Variants in PTPRG observed in about 807,000 individuals in gnomAD.
PTPRG encodes protein tyrosine phosphatase receptor type G.
PTPRG carries 102 observed loss-of-function variants against 165.3 expected under a neutral mutation model. That is an observed-to-expected ratio of 0.62 (90% CI 0.53 to 0.73). PTPRG has a LOEUF of 0.73. PTPRG is among the 30% of genes least tolerant of loss of function. The pLI, the probability that PTPRG is intolerant of heterozygous loss-of-function variation, is 0.00. For synonymous variants in PTPRG, 675 were observed against 669.5 expected, an observed-to-expected ratio of 1.01 and a Z score of -0.13; for missense variants, 1,866 against 1,861.4, an observed-to-expected ratio of 1.00 and a Z score of -0.05.
intron 2 of PTPRG, among the ~76,000 whole-genome samples, chr3:61,795,442 C>G (rs1300437693): frequency 6.6e-6 from 1 of 151,706 alleles, no homozygotes; most frequent in East Asian, 1.9e-4. Context: ...CAGTTCAAGA[C>G]CAGCCTGACA....
At chr3:62,049,284 T>G (rs184424312) in intron 4 of PTPRG, among the ~76,000 whole-genome samples, 84 of 152,310 alleles carry the variant, frequency 5.5e-4, no homozygotes, top group Non-Finnish European at 7.6e-4. Flanking sequence ...CATGCCACTT[T>G]TCACTGGTAA....
intron 2 of PTPRG, among the ~76,000 whole-genome samples, chr3:61,908,529 C>T (rs1318177814): frequency 6.0e-5 from 9 of 151,150 alleles, no homozygotes; most frequent in Admixed American, 5.3e-4. Flanking sequence ...ATTTGGAGGA[C>T]GTGGTTAGAG....
intron 4 of PTPRG, among the ~76,000 whole-genome samples, chr3:62,016,080 G>A (rs994993848): frequency 6.6e-6 from 1 of 152,110 alleles, no homozygotes; most frequent in African/African-American, 2.4e-5. Context: ...ATTATTAATA[G>A]TATAAACCCC....
At chr3:62,141,914 A>T (rs997709239) in intron 6 of PTPRG, among the ~76,000 whole-genome samples, 2 of 151,818 alleles carry the variant, frequency 1.3e-5, no homozygotes, top group Non-Finnish European at 2.9e-5. Flanking sequence ...AAAAGAAGAC[A>T]TGTGGGCAAG....
At position 62,240,435 on chromosome 3, in the gene PTPRG, T is replaced by C. The variant is rs1701133737; in HGVS notation, c.2376-3372T>C. Among the ~76,000 whole-genome samples the C allele has an allele frequency of 1.3e-5, 2 of 152,210 alleles. No homozygotes were observed. On this transcript the variant is annotated intron_variant, in intron 14 of 29. Transcript: ENST00000474889. The surrounding 1 kb of genome is among the most constrained non-coding windows in gnomAD (Gnocchi z 5.1). ...TGAGACTATAATAATAGCCCACAGA[T>C]TGATCTCCTTGTTCCATTTCTGCTG...
At chr3:62,089,180 G>A (rs181361303) in intron 5 of PTPRG, among the ~76,000 whole-genome samples, 269 of 152,260 alleles carry the variant, frequency 1.8e-3, no homozygotes, top group South Asian at 9.1e-3. Flanking sequence ...GAGTATCCCT[G>A]TGACCCACAT....
chr3:61,705,562 C>T (rs1241591250), intron 1 of PTPRG, among the ~76,000 whole-genome samples: 1 of 152,002 alleles, frequency 6.6e-6, no homozygotes, highest in Non-Finnish European at 1.5e-5. Flanking sequence ...AGAAAGGATG[C>T]TTTGTCACCA....
At chr3:61,661,072 ATT>A (rs1244195894) in intron 1 of PTPRG, among the ~76,000 whole-genome samples, 1 of 147,864 alleles carries the variant, frequency 6.8e-6, no homozygotes, top group Non-Finnish European at 1.5e-5. Context: ...CTAATTAAAA[ATT>A]TTTTTTTTTT....
intron 2 of PTPRG, among the ~76,000 whole-genome samples, chr3:61,831,521 T>G (rs1345997809): frequency 6.6e-6 from 1 of 152,234 alleles, no homozygotes; most frequent in Non-Finnish European, 1.5e-5. Flanking sequence ...TTGCTTGATG[T>G]TCAACCCAGC....
At chr3:62,279,574 T>C (rs1482772271) in intron 26 of PTPRG, among the ~76,000 whole-genome samples, 1 of 152,104 alleles carries the variant, frequency 6.6e-6, no homozygotes, top group East Asian at 1.9e-4. Flanking sequence ...TACATTTAGA[T>C]GCCCTGTTCA....
At chr3:62,272,552 G>C (rs180739921) in intron 21 of PTPRG, among the ~76,000 whole-genome samples, 2 of 152,256 alleles carry the variant, frequency 1.3e-5, no homozygotes, top group African/African-American at 2.4e-5. Flanking sequence ...GGTTATCTAA[G>C]TGGGGTTTAG....
At chr3:61,594,755 T>A (rs1164113348) in intron 1 of PTPRG, among the ~76,000 whole-genome samples, 1 of 152,202 alleles carries the variant, frequency 6.6e-6, no homozygotes, top group East Asian at 1.9e-4. Context: ...GTTGGTAATT[T>A]ATATACTACA....
chr3:61,750,333 TGTTA>T (rs1291712888), intron 2 of PTPRG: 5 of 152,194 alleles, frequency 3.3e-5, no homozygotes, highest in African/African-American at 1.2e-4. Context: ...ATAATAATGC[TGTTA>T]GTCAGGAAAT....
rs763411756 is a variant in PTPRG, at chr3:62,191,612, G to A, written c.1177G>A (p.Glu393Lys). Residue 393 changes from glutamate (E) to lysine (K), a missense_variant, in exon 9 of 30, where the codon GAG (glutamate) becomes AAG (lysine). Physicochemically the swap from Glu to Lys is moderately conservative, Grantham distance 56. Coordinates refer to ENST00000474889, the MANE Select transcript of PTPRG (RefSeq NM_002841.4). The stretch of plus-strand genomic sequence containing the variant: ...CTACAGCTGGACCAAGAATGAGGAC[G>A]AGAAGGAGAAGACGTTTACAAAGGA... ...ISYSWTKNED[E>K]KEKTFTKDSD... 2.5e-6 allele frequency: 4 copies of A among 1,614,042 alleles called. No homozygotes were observed. The highest frequency in any genetic ancestry group is 3.3e-5 in the Admixed American group (2 of 60,004).
intron 7 of PTPRG, among the ~76,000 whole-genome samples, chr3:62,161,643 T>C (rs184458402): frequency 1.5e-4 from 23 of 152,344 alleles, no homozygotes; most frequent in Admixed American, 6.5e-4. Flanking sequence ...TTGTTAATTA[T>C]GGTTAAGTCC....
Position 61,829,228 on chromosome 3 carries a change from T to C in PTPRG, c.190+80246T>C, listed in dbSNP as rs1028224071. ...TAAAACATGAAGCACTAAATAATAT[T>C]GAGAGAGCCTCGCTGAGCCCTCCAC... On this transcript the variant is annotated intron_variant, in intron 2 of 29. Transcript: ENST00000474889. 2.0e-5 allele frequency among the ~76,000 whole-genome samples: 3 copies of C among 152,250 alleles called. No individual in the cohort carries two copies. In the East Asian group the frequency reaches 5.8e-4, roughly 29 times the overall value.
intron 2 of PTPRG, among the ~76,000 whole-genome samples, chr3:61,814,508 G>T (rs1307806560): frequency 6.6e-6 from 1 of 151,858 alleles, no homozygotes; most frequent in Non-Finnish European, 1.5e-5. Context: ...CTCTCTAGTA[G>T]CCCCGTATGT....
At chr3:61,791,234 A>G (rs1489584308) in intron 2 of PTPRG, among the ~76,000 whole-genome samples, 1 of 152,222 alleles carries the variant, frequency 6.6e-6, no homozygotes, top group Non-Finnish European at 1.5e-5. Context: ...TGGGCTGGAA[A>G]AACAAAGTCA....
chr3:61,590,379 G>T (rs1436288458), intron 1 of PTPRG, among the ~76,000 whole-genome samples: 1 of 152,058 alleles, frequency 6.6e-6, no homozygotes, highest in Non-Finnish European at 1.5e-5. Flanking sequence ...ATAAAAATTA[G>T]CTGGCGTAGT....
Sources: gnomAD v4.1 joint callset for allele counts (sites outside exome capture counted in the v4.1 genomes callset) on GRCh38, gnomAD v4.1.1 for gene constraint, Gnocchi (gnomAD v3.1) non-coding constraint, MANE v1.5 for transcripts, NCBI Gene and HGNC (gene_info 2026-07-23, HGNC 2026-07-21) for gene names.